Variants in SH3TC1 observed in about 807,000 individuals in gnomAD.
SH3TC1 encodes the protein SH3 domain and tetratricopeptide repeats 1.
A neutral mutation model predicts 117.3 loss-of-function variants in SH3TC1; 135 were observed. The ratio of observed to expected loss-of-function variants is 1.15; its 90% CI spans 1.00 to 1.33. The LOEUF (loss-of-function observed/expected upper bound fraction) is 1.33, where lower values mean the gene tolerates loss of function less well. SH3TC1 is among the 40% of genes most tolerant of loss of function. SH3TC1 has a pLI of 0.00. For missense variants in SH3TC1, 2,092 were observed against 1,794.3 expected (o/e 1.17, Z -3.00); for synonymous variants, 898 against 816.9 (o/e 1.10, Z -1.69).
chr4:8,237,265 C>G, intron 16 of SH3TC1: 1 of 477,976 alleles, frequency 2.1e-6, no homozygotes, highest in South Asian at 4.2e-5. Flanking sequence ...CCATCCAAGT[C>G]CGACTTTGCC....
intron 10 of SH3TC1, among the ~76,000 whole-genome samples, chr4:8,224,152 C>A (rs1226230959): frequency 1.3e-5 from 2 of 152,216 alleles, no homozygotes; most frequent in Admixed American, 1.3e-4. Context: ...TGTACACGCA[C>A]ACGTACATAC....
In SH3TC1 at chr4:8,192,865, C is replaced by G. The variant is rs1209676199; in HGVS notation, c.-57+10655C>G. ...TGTCGCCACCTGGTGATTGGCTTCT[C>G]TGTGCATATATTTGCACAGTTGCAG... On this transcript the variant is annotated intron_variant, in intron 1 of 16. Coordinates refer to the SH3TC1 transcript ENST00000508641. This position sits in a 1 kb window ranked among gnomAD's most constrained non-coding sequence, Gnocchi z 4.1. Among the ~76,000 whole-genome samples, 1 of 152,218 alleles carries G rather than the reference C, an allele frequency of 6.6e-6. No individual in the cohort carries two copies. The highest frequency in any genetic ancestry group is 1.5e-5 in the Non-Finnish European group (1 of 68,046).
At position 8,240,760 on chromosome 4, in the gene SH3TC1, C is replaced by G. The variant is rs1486660359; in HGVS notation, c.3816C>G (p.Asn1272Lys). 1.2e-6 allele frequency: 2 copies of G among 1,606,262 alleles called. No individual in the cohort carries two copies. Among genetic ancestry groups the G allele is most frequent in the Non-Finnish European group, 1.7e-6 (2 of 1,176,868 alleles). The change falls in exon 18 of 18, where the codon AAC (asparagine) becomes AAG (lysine). Residue 1272 changes from asparagine to lysine, a missense_variant. Transcript: ENST00000245105. ...TGGCAGCCGCCGTGGACCTGGGCAA[C>G]AAGAAGGCACAGCTGAAGATCTACA... ...LALAAAVDLG[N>K]KKAQLKIYTR... is the part of the protein sequence containing the mutation.
chr4:8,235,904 C>T (rs1182305199), intron 15 of SH3TC1: 2 of 360,574 alleles, frequency 5.5e-6, no homozygotes, highest in Non-Finnish European at 1.0e-5. Context: ...GGGCCAGGGC[C>T]CAGGTCTGCA....
At chr4:8,236,154 A>G in intron 15 of SH3TC1, 124 bp from the exon 16 acceptor site, 3 of 1,231,264 alleles carry the variant, frequency 2.4e-6, no homozygotes, top group Non-Finnish European at 3.3e-6. Flanking sequence ...CAGAGCACAC[A>G]GCTGTGTCGA....
chr4:8,219,578 C>A, intron 9 of SH3TC1, 48 bp downstream of exon 9: 2 of 1,436,390 alleles, frequency 1.4e-6, no homozygotes, highest in Non-Finnish European at 1.8e-6. Flanking sequence ...CCCCATCTCA[C>A]CTAAGGGGAC....
In SH3TC1 at chr4:8,192,772, G is replaced by A. The variant is rs566589828; in HGVS notation, c.-57+10562G>A. Among the ~76,000 whole-genome samples, 328 of 152,308 alleles carry A rather than the reference G, an allele frequency of 2.2e-3. 1 individual carries two copies. The highest frequency in any genetic ancestry group is 7.4e-3 in the African/African-American group (309 of 41,566). On this transcript the variant is annotated intron_variant, in intron 1 of 16. Transcript: ENST00000508641. The surrounding 1 kb of genome is among the most constrained non-coding windows in gnomAD (Gnocchi z 4.1). The stretch of plus-strand genomic sequence containing the variant: ...CTCCCTAAGTGCTGGGATTACAGGC[G>A]TGAGCCACGGTGCCCGGCCCACTTG...
Position 8,192,728 on chromosome 4 carries a change from G to A in SH3TC1, c.-57+10518G>A, listed in dbSNP as rs1186552844. Among the ~76,000 whole-genome samples the A allele has an allele frequency of 6.6e-5, 10 of 152,144 alleles. No individual in the cohort carries two copies. In the South Asian group the frequency reaches 1.0e-3, roughly 16 times the overall value. ...AGGCTGGTCTCAAACTCCTGACCTC[G>A]TGATCCACCTGCCTTGGTCTCCCTA... is the stretch of plus-strand genomic sequence containing the variant. On this transcript the variant is annotated intron_variant, in intron 1 of 16. Coordinates refer to the SH3TC1 transcript ENST00000508641. This position sits in a 1 kb window ranked among gnomAD's most constrained non-coding sequence, Gnocchi z 4.1.
chr4:8,239,455 GATGCACACAGGCAT>G (rs1383079302), intron 17 of SH3TC1, among the ~76,000 whole-genome samples: 1 of 139,986 alleles, frequency 7.1e-6, no homozygotes, highest in Non-Finnish European at 1.5e-5. Context: ...CGCACACGCA[GATGCACACAGGCAT>G]ATGCACACAT....
At position 8,186,912 on chromosome 4, in the gene SH3TC1, C is replaced by T. The variant is rs558004601; in HGVS notation, c.-57+4702C>T. 1.3e-3 allele frequency among the ~76,000 whole-genome samples: 200 copies of T among 151,166 alleles called. 1 individual carries two copies. The highest frequency in any genetic ancestry group is 1.7e-3 in the Non-Finnish European group (116 of 67,866). The stretch of plus-strand genomic sequence containing the variant: ...TGAGCCGAGATCATACCACTGCACT[C>T]CAGCCTGGGTGACAGGGCAAGACTA... On this transcript the variant is annotated intron_variant, in intron 1 of 16. Transcript: ENST00000508641. The surrounding 1 kb of genome is among the most constrained non-coding windows in gnomAD (Gnocchi z 5.2).
Position 8,240,704 on chromosome 4 carries a change from T to C in SH3TC1, c.3760T>C (p.Phe1254Leu). 2 of 1,613,986 alleles carry C rather than the reference T, an allele frequency of 1.2e-6. No homozygotes were observed. Among genetic ancestry groups the C allele is most frequent in the Non-Finnish European group, 1.7e-6 (2 of 1,180,018 alleles). ...CATGGCCTGTCCCCTTCAGGACCCG[T>C]TTGATGCAGCCGGGTACTACCAGCT... ...DIIFYDLKDP[F>L]DAAGYYQLAL... is the part of the protein sequence containing the mutation. Residue 1254 changes from phenylalanine (F) to leucine (L), a missense_variant, in exon 18 of 18, where the codon TTT becomes CTT. By Grantham distance (22) the Phe-to-Leu change is conservative (BLOSUM62 0). Coordinates refer to ENST00000245105, the MANE Select transcript of SH3TC1 (RefSeq NM_018986.5).
In SH3TC1 at chr4:8,209,925, C is replaced by T; in HGVS notation, c.247+103C>T. On this transcript the variant is annotated intron_variant, in intron 3 of 17. Coordinates refer to ENST00000245105, the MANE Select transcript of SH3TC1 (RefSeq NM_018986.5). The surrounding 1 kb of genome is among the most constrained non-coding windows in gnomAD (Gnocchi z 5.9). ...CCCAGGGCTTCTCAAAGTGTGGCCT[C>T]AGACTTCCCACCTTAAAATCATGAT... The T allele has an allele frequency of 8.7e-7, 1 of 1,154,944 alleles. No homozygotes were observed. Among genetic ancestry groups the T allele is most frequent in the Non-Finnish European group, 1.2e-6 (1 of 808,208 alleles). The allele number at this position is 1,154,944 out of a possible 1,614,324, so 71.5% of individuals were successfully genotyped here.
In SH3TC1 at chr4:8,222,942, C is replaced by G. The variant is rs770863087; in HGVS notation, c.1215C>G (p.Gly405=). The G allele has an allele frequency of 1.2e-6, 2 of 1,612,562 alleles. No homozygotes were observed. Among genetic ancestry groups the G allele is most frequent in the South Asian group, 2.2e-5 (2 of 91,006 alleles). ...GGCAGTTGCTGAGGCGGATGTCGGGCACCGATGTCTGCAGCGTGTACAGCC... is the reference window on the plus strand; with the variant it reads ...GGCAGTTGCTGAGGCGGATGTCGGGGACCGATGTCTGCAGCGTGTACAGCC... ...DARQLLRRMS[G]TDVCSVYSLD... Residue 405 remains glycine, a synonymous_variant, in exon 10 of 18, where the codon GGC becomes GGG. Transcript: ENST00000245105.
chr4:8,206,539 A>T lies in SH3TC1; in HGVS notation c.172+1173A>T, dbSNP rs1007013693. Reference sequence around the variant, plus strand: ...GTAGGAGTTGGAAGCCTTTGCCCTGAGTGGCTGGGTGTTTCCTCCTCCGGA... The same window carrying T: ...GTAGGAGTTGGAAGCCTTTGCCCTGTGTGGCTGGGTGTTTCCTCCTCCGGA... On this transcript the variant is annotated intron_variant, in intron 2 of 17. Coordinates refer to ENST00000245105, the MANE Select transcript of SH3TC1 (RefSeq NM_018986.5). The surrounding 1 kb of genome is among the most constrained non-coding windows in gnomAD (Gnocchi z 5.5). Among the ~76,000 whole-genome samples the T allele has an allele frequency of 3.3e-5, 5 of 152,064 alleles. No homozygotes were observed. The highest frequency in any genetic ancestry group is 1.2e-4 in the African/African-American group (5 of 41,394).
Position 8,209,484 on chromosome 4 carries a change from C to A in SH3TC1, c.173-264C>A, listed in dbSNP as rs1035770038. Among the ~76,000 whole-genome samples, 1 of 152,204 alleles carries A rather than the reference C, an allele frequency of 6.6e-6. No homozygotes were observed. The highest frequency in any genetic ancestry group is 2.4e-5 in the African/African-American group (1 of 41,450). ...TTTAGCTCTGTGAGGCCCATTGGAA[C>A]TTGAGAGCGGCGGGATCATACGAGT... On this transcript the variant is annotated intron_variant, in intron 2 of 17. Transcript: ENST00000245105. The surrounding 1 kb of genome is among the most constrained non-coding windows in gnomAD (Gnocchi z 5.9).
chr4:8,219,691 G>T (rs1719715407), intron 9 of SH3TC1, among the ~76,000 whole-genome samples, 161 bp downstream of exon 9: 1 of 152,216 alleles, frequency 6.6e-6, no homozygotes, highest in African/African-American at 2.4e-5. Flanking sequence ...CTTGGCCCCA[G>T]TGCCTGACTC....
chr4:8,188,053 C>T (rs753386), intron 1 of SH3TC1, among the ~76,000 whole-genome samples: 113,894 of 152,198 alleles, frequency 0.75, 42,945 homozygotes, highest in South Asian at 0.84. Flanking sequence ...CCTGATGCGA[C>T]AAGACACTCC....
At chr4:8,215,289 G>A in intron 5 of SH3TC1, 2 of 454,458 alleles carry the variant, frequency 4.4e-6, no homozygotes, top group South Asian at 3.1e-5. Context: ...AGGAATTCCA[G>A]GCTCTAACGG....
At chr4:8,220,186 A>AT (rs1719770540) in intron 9 of SH3TC1, among the ~76,000 whole-genome samples, 1 of 152,152 alleles carries the variant, frequency 6.6e-6, no homozygotes, top group African/African-American at 2.4e-5. Context: ...GACACGATTT[A>AT]ATCCAGTACA....
Sources: allele counts gnomAD v4.1 joint callset (sites outside exome capture counted in the v4.1 genomes callset), GRCh38; gene constraint gnomAD v4.1.1; non-coding constraint Gnocchi (gnomAD v3.1); transcripts MANE v1.5; gene names NCBI Gene and HGNC (gene_info 2026-07-23, HGNC 2026-07-21).